Variants in XIST observed in about 807,000 individuals in gnomAD.
XIST encodes the protein X inactive specific transcript (non-protein coding).
chrX:73,842,412 T>A lies in XIST; in HGVS notation n.10312A>T, dbSNP rs779684312. On this transcript the variant is annotated non_coding_transcript_exon_variant, in exon 1 of 6. Transcript: ENST00000429829. Reference sequence around the variant, plus strand: ...TGGGTCTGACTTGCCTTCAGTATTTTGCACAGTAAAGCAGTAACACAGGTG... The same window carrying A: ...TGGGTCTGACTTGCCTTCAGTATTTAGCACAGTAAAGCAGTAACACAGGTG... 7.3e-6 allele frequency: 4 copies of A among 546,786 alleles called. No individual in the cohort carries two copies. The African/African-American group carries it at 9.0e-5, about 12-fold the overall frequency. 45.1% of individuals were successfully genotyped at this position (546,786 alleles called of 1,213,427 possible). A position where few individuals can be genotyped will look rare whatever the true frequency, so the allele number is the denominator to read the frequency against.
At chrX:73,822,454 G>A (rs1397608380) in exon 6 of XIST, 5 of 511,929 alleles carry the variant, frequency 9.8e-6, no homozygotes, top group African/African-American at 4.7e-5. Flanking sequence ...ATGTCTCTGG[G>A]GCCAAAAACC....
chrX:73,848,825 G>C, exon 1 of XIST: 1 of 558,287 alleles, frequency 1.8e-6, no homozygotes, highest in Non-Finnish European at 3.2e-6. Flanking sequence ...CTAATGAGTG[G>C]GACTATGGGC....
chrX:73,848,744 T>C (rs754091397), exon 1 of XIST: 2 of 558,414 alleles, frequency 3.6e-6, no homozygotes, highest in African/African-American at 2.2e-5. Context: ...CAATTATGCA[T>C]ATCAACTGTT....
chrX:73,829,790 C>CAAAA (rs752287639), intron 4 of XIST, among the ~76,000 whole-genome samples: 2 of 24,228 alleles, frequency 8.3e-5, no homozygotes, highest in African/African-American at 1.4e-4. Context: ...AACTCCATCT[C>CAAAA]AAAAAAAAAA....
exon 1 of XIST, chrX:73,849,929 G>C (rs1013623393): frequency 1.8e-6 from 1 of 549,439 alleles, no homozygotes. Context: ...GGTTTGCTGG[G>C]AGCAGGGCTG....
intron 2 of XIST, chrX:73,833,461 AG>A: frequency 4.2e-6 from 2 of 475,700 alleles, no homozygotes; most frequent in Non-Finnish European, 3.7e-6. Flanking sequence ...AAAAAAACCT[AG>A]GAAGTATAAA....
At chrX:73,820,797 T>A in exon 6 of XIST, 2 of 557,929 alleles carry the variant, frequency 3.6e-6, no homozygotes, top group East Asian at 6.5e-5. Context: ...CAGCAAAGAC[T>A]CAAAAGAGAT....
rs1922334537 is a variant in XIST, at chrX:73,829,481, G to GCCTTATA, written n.11753-257_11753-251dup. 14 of 246,589 alleles carry GCCTTATA rather than the reference G, an allele frequency of 5.7e-5. No homozygotes were observed. In the South Asian group the frequency reaches 1.1e-3, roughly 19 times the overall value. 20.3% of individuals were successfully genotyped at this position (246,589 alleles called of 1,213,427 possible). On this transcript the variant is annotated intron_variant and non_coding_transcript_variant, in intron 4 of 5. Transcript: ENST00000429829. ...ACTAGAGACACCACTACCAGTCATA[G>GCCTTATA]CCTTATACCTTAGTTAAAGACCAGA...
At chrX:73,830,930 T>C in intron 4 of XIST, 1 of 442,674 alleles carries the variant, frequency 2.3e-6, no homozygotes, top group East Asian at 3.8e-5. Context: ...CCAGGTTAGT[T>C]AGGAAGCTGT....
chrX:73,826,281 C>A, exon 6 of XIST: 1 of 559,048 alleles, frequency 1.8e-6, no homozygotes, highest in South Asian at 2.2e-5. Flanking sequence ...TTTATCTTCT[C>A]AGTCTAGGGC....
At chrX:73,849,930 A>T (rs1922872380) in exon 1 of XIST, 1 of 545,462 alleles carries the variant, frequency 1.8e-6, no homozygotes, top group African/African-American at 2.3e-5. Context: ...GTTTGCTGGG[A>T]GCAGGGCTGG....
chrX:73,847,993 G>C, exon 1 of XIST: 1 of 559,240 alleles, frequency 1.8e-6, no homozygotes, highest in Non-Finnish European at 3.2e-6. Context: ...CTAGTGCAAA[G>C]GTCTTGACTA....
chrX:73,841,974 C>A (rs1157111036), exon 1 of XIST: 2 of 541,306 alleles, frequency 3.7e-6, no homozygotes, highest in Non-Finnish European at 6.7e-6. Flanking sequence ...CACAAAGATA[C>A]TGGTCTTAAG....
At chrX:73,822,625 CA>C (rs34970367) in exon 6 of XIST, 1 of 516,031 alleles carries the variant, frequency 1.9e-6, no homozygotes, top group East Asian at 3.5e-5. Flanking sequence ...TAGGATTTAA[CA>C]AAATGGTTGA....
intron 1 of XIST, among the ~76,000 whole-genome samples, chrX:73,838,436 T>C (rs909648934): frequency 9.0e-6 from 1 of 111,252 alleles, no homozygotes; most frequent in Non-Finnish European, 1.9e-5. Flanking sequence ...TACCCATAAT[T>C]TAAGAAGTCT....
At chrX:73,843,738 G>C in exon 1 of XIST, 1 of 557,853 alleles carries the variant, frequency 1.8e-6, no homozygotes, top group South Asian at 2.2e-5. Context: ...TGAGTAGTGG[G>C]CACTACCTGC....
chrX:73,825,237 T>C (rs1330326146), exon 6 of XIST: 2 of 557,444 alleles, frequency 3.6e-6, no homozygotes, highest in Non-Finnish European at 6.5e-6. Flanking sequence ...GAATACTGCA[T>C]TTTTACTCAA....
intron 1 of XIST, among the ~76,000 whole-genome samples, chrX:73,838,767 C>T (rs1922532581): frequency 9.0e-6 from 1 of 111,585 alleles, no homozygotes; most frequent in South Asian, 3.7e-4. Flanking sequence ...CCAGCTATGT[C>T]TTAAATACAT....
At chrX:73,827,007 G>A (rs1569511691) in exon 6 of XIST, 3 of 558,616 alleles carry the variant, frequency 5.4e-6, no homozygotes, top group Non-Finnish European at 3.2e-6. Flanking sequence ...TTGGTTTCAG[G>A]CCTGAGGCTT....
Sources: gnomAD v4.1 joint callset for allele counts (sites outside exome capture counted in the v4.1 genomes callset) on GRCh38, gnomAD v4.1.1 for gene constraint, MANE v1.5 for transcripts, NCBI Gene and HGNC (gene_info 2026-07-23, HGNC 2026-07-21) for gene names.